The following LDB2 variants were observed in gnomAD, a reference collection of about 807,000 sequenced individuals.
LDB2 encodes the protein LIM domain-binding protein 2.
Under a neutral mutation model 44.3 loss-of-function variants are expected in LDB2, and 12 were observed. That is an observed-to-expected ratio of 0.27 (90% CI 0.17 to 0.44). The LOEUF (loss-of-function observed/expected upper bound fraction) is 0.44. Among genes scored for constraint, LDB2 ranks in the 20% least tolerant of loss-of-function variants. The pLI, the probability that LDB2 is intolerant of heterozygous loss-of-function variation, is 1.00. For missense variants in LDB2, 344 were observed against 473.5 expected (o/e 0.73, Z 2.54); for synonymous variants, 164 against 174.8 (o/e 0.94, Z 0.49).
At chr4:16,710,642 GTTTTA>G (rs899528422) in intron 2 of LDB2, among the ~76,000 whole-genome samples, 1 of 151,978 alleles carries the variant, frequency 6.6e-6, no homozygotes, top group African/African-American at 2.4e-5. Flanking sequence ...CAACAGGAAG[GTTTTA>G]TTTAAGAAAA....
Position 16,588,736 on chromosome 4 carries a change from C to T in LDB2, c.505G>A (p.Val169Ile). The T allele has an allele frequency of 6.2e-7, 1 of 1,613,882 alleles. No individual in the cohort carries two copies. Among genetic ancestry groups the T allele is most frequent in the Middle Eastern group, 1.6e-4 (1 of 6,062 alleles). ...HFTIRQYRELVPRSILAMHAQ... is the reference protein window; with the variant it reads ...HFTIRQYRELIPRSILAMHAQ... ...TGCATGGCTAGGATGCTTCTCGGGACTAACTCTCGGTATTGTCTAATGGTA... is the reference window on the plus strand; with the variant it reads ...TGCATGGCTAGGATGCTTCTCGGGATTAACTCTCGGTATTGTCTAATGGTA... Residue 169 changes from valine (V) to isoleucine (I), a missense_variant, in exon 4 of 8, where the codon GTC becomes ATC. Around this residue, in one of 3 missense-constraint regions of LDB2, gnomAD observed 226 missense variants for 270.1 expected, o/e 0.84. Transcript: ENST00000304523.
At chr4:16,553,880 C>G (rs1419033975) in intron 5 of LDB2, among the ~76,000 whole-genome samples, 2 of 152,128 alleles carry the variant, frequency 1.3e-5, no homozygotes, top group Admixed American at 1.3e-4. Flanking sequence ...TGCCTAAGGT[C>G]ACCCACATAG....
In LDB2 at chr4:16,512,204, CTTTTA is replaced by C. The variant is rs925164026; in HGVS notation, c.616-105_616-101del. The C allele has an allele frequency of 3.6e-6, 4 of 1,123,888 alleles. No individual in the cohort carries two copies. The African/African-American group carries it at 4.7e-5, about 13-fold the overall frequency. The allele number at this position is 1,123,888 out of a possible 1,614,324, so 69.6% of individuals were successfully genotyped here. ...AATCAAGTAGACAGCTTTGAGAATA[CTTTTA>C]TTTTCCTGGTTTTGATTTTCTTTAT... is the stretch of plus-strand genomic sequence containing the variant. On this transcript the variant is annotated intron_variant, in intron 5 of 7. Coordinates refer to ENST00000304523, the MANE Select transcript of LDB2 (RefSeq NM_001290.5).
intron 1 of LDB2, among the ~76,000 whole-genome samples, chr4:16,830,641 A>T (rs1045501667): frequency 1.3e-5 from 2 of 152,242 alleles, no homozygotes; most frequent in Non-Finnish European, 2.9e-5. Context: ...AAGAGCAAGC[A>T]TATTCCTTTT....
At chr4:16,815,689 C>T (rs1488846887) in intron 1 of LDB2, among the ~76,000 whole-genome samples, 2 of 152,184 alleles carry the variant, frequency 1.3e-5, no homozygotes, top group East Asian at 1.9e-4. Flanking sequence ...TTAAGAAGCT[C>T]TCAGTACTAG....
chr4:16,890,030 T>C (rs796424826), intron 1 of LDB2, among the ~76,000 whole-genome samples: 72 of 152,136 alleles, frequency 4.7e-4, no homozygotes, highest in African/African-American at 1.7e-3. Context: ...TCAACTGAGG[T>C]CTCCTAATAC....
At chr4:16,578,274 A>G (rs774509140) in intron 5 of LDB2, among the ~76,000 whole-genome samples, 1 of 152,224 alleles carries the variant, frequency 6.6e-6, no homozygotes. Context: ...GACAATCCAC[A>G]GAGTGGGAGA....
chr4:16,839,743 T>C (rs994713472), intron 1 of LDB2, among the ~76,000 whole-genome samples: 1 of 152,164 alleles, frequency 6.6e-6, no homozygotes, highest in African/African-American at 2.4e-5. Context: ...AAAGATACTA[T>C]TATTTAGAGA....
intron 1 of LDB2, among the ~76,000 whole-genome samples, chr4:16,821,745 G>GAAAAAAAAAAA (rs1782072538): frequency 2.6e-4 from 3 of 11,452 alleles, no homozygotes; most frequent in African/African-American, 5.5e-4. Flanking sequence ...CAACATTAAA[G>GAAAAAAAAAAA]CAAAAAAAAA....
intron 2 of LDB2, among the ~76,000 whole-genome samples, chr4:16,748,824 G>A (rs1257668601): frequency 5.3e-5 from 8 of 152,192 alleles, no homozygotes; most frequent in Non-Finnish European, 1.2e-4. Context: ...TGTAAAAATA[G>A]AGTGTGAAGC....
intron 2 of LDB2, among the ~76,000 whole-genome samples, chr4:16,699,165 G>A (rs1192733903): frequency 1.3e-5 from 2 of 152,202 alleles, no homozygotes; most frequent in East Asian, 1.9e-4. Flanking sequence ...TCAGGGGACT[G>A]CACATTCTTC....
chr4:16,652,306 C>G (rs1317787352), intron 2 of LDB2, among the ~76,000 whole-genome samples: 3 of 152,044 alleles, frequency 2.0e-5, no homozygotes, highest in African/African-American at 7.2e-5. Flanking sequence ...GATACATACG[C>G]AAAGCACATG....
At chr4:16,801,029 C>T (rs1269372249) in intron 1 of LDB2, among the ~76,000 whole-genome samples, 1 of 152,182 alleles carries the variant, frequency 6.6e-6, no homozygotes. Flanking sequence ...GGGACACTGT[C>T]CCCATACTTC....
chr4:16,706,684 G>C (rs1754685155), intron 2 of LDB2, among the ~76,000 whole-genome samples: 1 of 152,190 alleles, frequency 6.6e-6, no homozygotes, highest in Non-Finnish European at 1.5e-5. Context: ...TTCCTAGGGG[G>C]ACATAAGAGA....
At chr4:16,649,433 A>G (rs1236650426) in intron 2 of LDB2, among the ~76,000 whole-genome samples, 11 of 152,204 alleles carry the variant, frequency 7.2e-5, no homozygotes, top group Non-Finnish European at 1.6e-4. Context: ...AGAGAGAACT[A>G]AAGTGCTTAA....
intron 2 of LDB2, among the ~76,000 whole-genome samples, chr4:16,697,015 T>C (rs1752272563): frequency 6.6e-6 from 1 of 152,118 alleles, no homozygotes; most frequent in South Asian, 2.1e-4. Flanking sequence ...AATATGGAAA[T>C]GGTAACTTGG....
chr4:16,751,897 T>G (rs564275596), intron 2 of LDB2, among the ~76,000 whole-genome samples: 3 of 152,178 alleles, frequency 2.0e-5, no homozygotes, highest in Non-Finnish European at 2.9e-5. Context: ...GCTACTGAAA[T>G]GGACACTCAT....
chr4:16,528,938 C>T (rs191229844), intron 5 of LDB2, among the ~76,000 whole-genome samples: 17 of 152,260 alleles, frequency 1.1e-4, no homozygotes, highest in African/African-American at 3.6e-4. Flanking sequence ...ACCAAGATCC[C>T]AAGAAGCCAC....
At chr4:16,866,238 G>A (rs1026973487) in intron 1 of LDB2, among the ~76,000 whole-genome samples, 4 of 152,154 alleles carry the variant, frequency 2.6e-5, no homozygotes, top group Non-Finnish European at 5.9e-5. Flanking sequence ...TAATAAAGAT[G>A]TGAGTTACAA....
Sources: gnomAD v4.1 joint callset for allele counts (sites outside exome capture counted in the v4.1 genomes callset) on GRCh38, gnomAD v4.1.1 for gene constraint, gnomAD v4.1.1 regional missense constraint, MANE v1.5 for transcripts, NCBI Gene and HGNC (gene_info 2026-07-23, HGNC 2026-07-21) for gene names.